Variants in ABCB1 observed in about 807,000 individuals in gnomAD.
ABCB1 encodes ATP-dependent translocase ABCB1.
ABCB1 carries 69 observed loss-of-function variants against 142.0 expected under a neutral mutation model. The observed-to-expected ratio is 0.49, with a 90% CI of 0.40 to 0.59. The LOEUF (loss-of-function observed/expected upper bound fraction) is 0.59, where lower values mean the gene tolerates loss of function less well. Ranked by LOEUF, ABCB1 falls within the 20% of genes least tolerant of loss-of-function variation. The probability of loss-of-function intolerance (pLI) is 0.00; values close to 1 mark genes in which losing one functional copy is unlikely to be tolerated. For missense variants in ABCB1, 1,326 were observed against 1,554.7 expected (o/e 0.85, Z 2.47); for synonymous variants, 532 against 539.2 (o/e 0.99, Z 0.18).
chr7:87,662,715 A>G lies in ABCB1; in HGVS notation c.-331+50446T>C, dbSNP rs546635114. On this transcript the variant is annotated intron_variant, in intron 1 of 28. Transcript: ENST00000265724. ...TCCTCCAGTTTTGTTTCTTTTGCTC[A>G]GGATAGCTTTGTCTATTCTGGGTCT... Among the ~76,000 whole-genome samples, 3 of 152,266 alleles carry G rather than the reference A, an allele frequency of 2.0e-5. No homozygotes were observed. In the South Asian group the frequency reaches 6.2e-4, roughly 32 times the overall value.
intron 1 of ABCB1, among the ~76,000 whole-genome samples, chr7:87,610,396 C>CCT (rs1563073888): frequency 1.4e-5 from 1 of 73,810 alleles, no homozygotes. Context: ...CACACCTGGC[C>CCT]TTTTTTTTTT....
Position 87,561,396 on chromosome 7 carries a change from A to G in ABCB1, c.703-9T>C. ...GTAAATGAAGATAGTATCTGTTTAAAAATACAATTTTGGATCATGAAAAAA... is the reference window on the plus strand; with the variant it reads ...GTAAATGAAGATAGTATCTGTTTAAGAATACAATTTTGGATCATGAAAAAA... On this transcript the variant is annotated splice_polypyrimidine_tract_variant and intron_variant, in intron 7 of 27. Coordinates refer to ENST00000622132, the MANE Select transcript of ABCB1 (RefSeq NM_001348946.2). The G allele has an allele frequency of 6.2e-7, 1 of 1,609,072 alleles. No individual in the cohort carries two copies. Among genetic ancestry groups the G allele is most frequent in the Non-Finnish European group, 8.5e-7 (1 of 1,177,142 alleles).
At chr7:87,536,022 C>T (rs1816271730) in intron 20 of ABCB1, among the ~76,000 whole-genome samples, 1 of 152,106 alleles carries the variant, frequency 6.6e-6, no homozygotes, top group Non-Finnish European at 1.5e-5. Flanking sequence ...TCTATTCTTG[C>T]CTTAATTTTT....
intron 1 of ABCB1, among the ~76,000 whole-genome samples, chr7:87,658,315 T>C (rs1240651167): frequency 6.6e-6 from 1 of 152,074 alleles, no homozygotes; most frequent in African/African-American, 2.4e-5. Flanking sequence ...ACCAGTGAAC[T>C]GAAAGACAAA....
intron 1 of ABCB1, among the ~76,000 whole-genome samples, chr7:87,679,020 A>ACTTG (rs1438914252): frequency 7.3e-6 from 1 of 137,830 alleles, no homozygotes. Flanking sequence ...AGTAAACAGA[A>ACTTG]AATTAGTAAG....
rs28381878 is a variant in ABCB1, at chr7:87,554,541, A to G, written c.828-609T>C. Among the ~76,000 whole-genome samples the G allele has an allele frequency of 2.2e-3, 328 of 152,324 alleles. 4 individuals are homozygous for G. The highest frequency in any genetic ancestry group is 7.7e-3 in the African/African-American group (318 of 41,552). ...TGTACAATTTATCTTACTTCCGTAG[A>G]CATTTATTTTAAAAATCACTGACCT... On this transcript the variant is annotated intron_variant, in intron 8 of 27. Coordinates refer to ENST00000622132, the MANE Select transcript of ABCB1 (RefSeq NM_001348946.2).
At chr7:87,616,423 A>C (rs1375575184) in intron 1 of ABCB1, among the ~76,000 whole-genome samples, 3 of 152,192 alleles carry the variant, frequency 2.0e-5, no homozygotes, top group African/African-American at 7.2e-5. Context: ...AGCTGACACA[A>C]TTTCTTGGTT....
At chr7:87,556,948 G>A (rs575102278) in intron 8 of ABCB1, among the ~76,000 whole-genome samples, 1 of 151,814 alleles carries the variant, frequency 6.6e-6, no homozygotes, top group Non-Finnish European at 1.5e-5. Flanking sequence ...GGCCACCCCA[G>A]GAAACTTGGA....
intron 1 of ABCB1, among the ~76,000 whole-genome samples, chr7:87,695,901 A>T (rs538668915): frequency 6.6e-6 from 1 of 152,218 alleles, no homozygotes; most frequent in South Asian, 2.1e-4. Context: ...TTAGAGTAAC[A>T]TTGGACCCTA....
chr7:87,577,332 T>C (rs1584895499), intron 4 of ABCB1, among the ~76,000 whole-genome samples: 1 of 152,190 alleles, frequency 6.6e-6, no homozygotes, highest in South Asian at 2.1e-4. Context: ...GACACTTAGG[T>C]TGCTCCCAAA....
At chr7:87,514,548 A>C (rs910324061) in intron 25 of ABCB1, among the ~76,000 whole-genome samples, 8 of 151,908 alleles carry the variant, frequency 5.3e-5, no homozygotes, top group Admixed American at 1.3e-4. Flanking sequence ...TCCATCAATG[A>C]TTTTGTCTCA....
chr7:87,646,814 A>T (rs1180152795), intron 1 of ABCB1, among the ~76,000 whole-genome samples: 1 of 152,134 alleles, frequency 6.6e-6, no homozygotes, highest in Non-Finnish European at 1.5e-5. Context: ...GTCCCTTTTA[A>T]ATCTGTTTTC....
rs377219804 is a variant in ABCB1 at position 87,607,947 on chromosome 7, T to A, written c.-330-6869A>T. ...TTTGTTTTTACAAACAGACTGAACT[T>A]ATATATCTAAAGTGACCAACTTCCT... On this transcript the variant is annotated intron_variant, in intron 1 of 28. Transcript: ENST00000265724. Among the ~76,000 whole-genome samples the A allele has an allele frequency of 1.4e-4, 22 of 152,310 alleles. No individual in the cohort carries two copies. The East Asian group carries it at 3.5e-3, about 24-fold the overall frequency.
In ABCB1 at chr7:87,656,783, A is replaced by C. The variant is rs145372009; in HGVS notation, c.-330-55705T>G. Among the ~76,000 whole-genome samples the C allele has an allele frequency of 4.9e-3, 752 of 152,292 alleles. 9 individuals are homozygous for C. Among genetic ancestry groups the C allele is most frequent in the African/African-American group, 0.017 (706 of 41,574 alleles). ...ATAGTTCACCACTATTTTTCTTCTA[A>C]ACTTATTTATCCATCACTAAGCTAC... On this transcript the variant is annotated intron_variant, in intron 1 of 28. Transcript: ENST00000265724.
At position 87,559,800 on chromosome 7, in the gene ABCB1, A is replaced by T. The variant is rs540357324; in HGVS notation, c.827+1463T>A. 1.4e-4 allele frequency among the ~76,000 whole-genome samples: 21 copies of T among 152,266 alleles called. No homozygotes were observed. In the South Asian group the frequency reaches 4.4e-3, roughly 32 times the overall value. ...AGTCAGGCCTGAGAATCTAACTTCTATGGGGAGATGTTTTCCTCCAGCTGA... is the reference window on the plus strand; with the variant it reads ...AGTCAGGCCTGAGAATCTAACTTCTTTGGGGAGATGTTTTCCTCCAGCTGA... On this transcript the variant is annotated intron_variant, in intron 8 of 27. Transcript: ENST00000622132.
Position 87,553,441 on chromosome 7 carries a change from C to A in ABCB1, c.999+320G>T, listed in dbSNP as rs185211135. 4.0e-5 allele frequency among the ~76,000 whole-genome samples: 6 copies of A among 151,710 alleles called. No homozygotes were observed. In the East Asian group the frequency reaches 7.8e-4, roughly 20 times the overall value. On this transcript the variant is annotated intron_variant, in intron 9 of 27. Transcript: ENST00000622132. The stretch of plus-strand genomic sequence containing the variant: ...GTTAACGCCATTCTCTTGCCTCAGC[C>A]TCCTGAGTAGCTGGGACTACAGGCG...
chr7:87,608,220 T>C (rs1417163725), intron 1 of ABCB1, among the ~76,000 whole-genome samples: 1 of 152,218 alleles, frequency 6.6e-6, no homozygotes, highest in Non-Finnish European at 1.5e-5. Flanking sequence ...CATTTGACAT[T>C]GGAAAATTTA....
chr7:87,700,656 A>G (rs1828950671), intron 1 of ABCB1: 1 of 1,077,276 alleles, frequency 9.3e-7, no homozygotes, highest in Non-Finnish European at 1.3e-6. Flanking sequence ...TCCTTTTCTT[A>G]AGAAGCATAA....
intron 7 of ABCB1, among the ~76,000 whole-genome samples, chr7:87,563,897 G>A (rs901533321): frequency 6.6e-6 from 1 of 152,186 alleles, no homozygotes; most frequent in Non-Finnish European, 1.5e-5. Flanking sequence ...ATTATGCTTA[G>A]CAAACTAACT....
Sources: gnomAD v4.1 joint callset for allele counts (sites outside exome capture counted in the v4.1 genomes callset) on GRCh38, gnomAD v4.1.1 for gene constraint, MANE v1.5 for transcripts, NCBI Gene and HGNC (gene_info 2026-07-23, HGNC 2026-07-21) for gene names.